ARAP1: variants seen among roughly 807,000 people sequenced by gnomAD.
ARAP1 encodes ArfGAP with RhoGAP domain, ankyrin repeat and PH domain 1.
Under a neutral mutation model 172.2 loss-of-function variants are expected in ARAP1, and 76 were observed. The observed-to-expected ratio is 0.44, with a 90% CI of 0.37 to 0.53. The LOEUF (loss-of-function observed/expected upper bound fraction) is 0.53. Among genes scored for constraint, ARAP1 ranks in the 20% least tolerant of loss-of-function variants. The pLI is 0.00. For synonymous variants in ARAP1, 804 were observed against 803.3 expected (o/e 1.00, Z -0.01); for missense variants, 1,686 against 1,977.5 (o/e 0.85, Z 2.80).
rs975746779 is a variant in ARAP1, at chr11:72,710,472, G to A, written c.1329C>T (p.Arg443=). 13 of 1,613,968 alleles carry A rather than the reference G, an allele frequency of 8.1e-6. No individual in the cohort carries two copies. Among genetic ancestry groups the A allele is most frequent in the South Asian group, 3.3e-5 (3 of 91,090 alleles). Reference sequence around the variant, plus strand: ...AGCCACGAAGCTCCAGGCTGCCAGCGCGGTCAGGCTGCTCTGAGCCTGGAA... The same window carrying A: ...AGCCACGAAGCTCCAGGCTGCCAGCACGGTCAGGCTGCTCTGAGCCTGGAA... The part of the protein sequence containing the change: ...LGVPGSEQPD[R]AGSLELRGFK... The change falls in exon 10 of 35, where the codon CGC becomes CGT. Residue 443 remains arginine, a synonymous_variant. Coordinates refer to ENST00000393609, the MANE Select transcript of ARAP1 (RefSeq NM_001040118.3). This position sits in a 1 kb window ranked among gnomAD's most constrained non-coding sequence, Gnocchi z 4.3.
chr11:72,703,379 C>G, intron 14 of ARAP1: 1 of 234,670 alleles, frequency 4.3e-6, no homozygotes, highest in Non-Finnish European at 8.2e-6. Flanking sequence ...TCCAGAGGAT[C>G]TCAAGCTCCT....
chr11:72,740,452 A>G (rs1057360586), intron 1 of ARAP1, among the ~76,000 whole-genome samples: 1 of 152,154 alleles, frequency 6.6e-6, no homozygotes, highest in Non-Finnish European at 1.5e-5. Context: ...AGTTTTCACA[A>G]TTATCACTTT....
rs1044270364 is a variant in ARAP1 at position 72,692,640 on chromosome 11, G to A, written c.3987+113C>T. 4 of 1,404,720 alleles carry A rather than the reference G, an allele frequency of 2.8e-6. No homozygotes were observed. The East Asian group carries it at 6.9e-5, about 24-fold the overall frequency. 87.0% of individuals were successfully genotyped at this position (1,404,720 alleles called of 1,614,324 possible). On this transcript the variant is annotated intron_variant, in intron 30 of 34. Coordinates refer to ENST00000393609, the MANE Select transcript of ARAP1 (RefSeq NM_001040118.3). ...CCAGTGCCAACGGGCAAGGGGGCAG[G>A]GATCCATGCCTGGAGATGGCCAGGA...
intron 14 of ARAP1, 107 bp from the exon 15 acceptor site, chr11:72,703,186 G>T: frequency 8.8e-7 from 1 of 1,138,802 alleles, no homozygotes; most frequent in Non-Finnish European, 1.2e-6. Flanking sequence ...CCCAGGCCTG[G>T]AGCAGTCCAT....
intron 1 of ARAP1, among the ~76,000 whole-genome samples, chr11:72,745,339 C>A (rs559798291): frequency 1.3e-5 from 2 of 150,456 alleles, no homozygotes; most frequent in Non-Finnish European, 3.0e-5. Flanking sequence ...CAGGCGCCTG[C>A]CACCACGTCC....
chr11:72,723,103 T>A (rs1056398252), intron 3 of ARAP1, among the ~76,000 whole-genome samples: 1 of 151,642 alleles, frequency 6.6e-6, no homozygotes, highest in African/African-American at 2.4e-5. Flanking sequence ...AGCCCAGGAG[T>A]TCAAGACCAG....
In ARAP1 at chr11:72,725,039, G is replaced by C. The variant is rs1857643625; in HGVS notation, c.509+1581C>G. On this transcript the variant is annotated intron_variant, in intron 3 of 34. Coordinates refer to ENST00000393609, the MANE Select transcript of ARAP1 (RefSeq NM_001040118.3). The surrounding 1 kb of genome is among the most constrained non-coding windows in gnomAD (Gnocchi z 4.3). The stretch of plus-strand genomic sequence containing the variant: ...CCAGGAGGGCCCAGAAGTCTATGGA[G>C]GACCACAGAGGGCACCTGATGGGGA... 2.0e-5 allele frequency among the ~76,000 whole-genome samples: 3 copies of C among 152,158 alleles called. No homozygotes were observed. In the South Asian group the frequency reaches 6.2e-4, roughly 31 times the overall value.
intron 12 of ARAP1, 33 bp downstream of exon 12, chr11:72,707,142 C>G: frequency 3.3e-6 from 5 of 1,521,114 alleles, no homozygotes; most frequent in East Asian, 2.5e-5. Flanking sequence ...CCCGCCATGC[C>G]TCTGCCTGGT....
chr11:72,695,329 C>T lies in ARAP1; in HGVS notation c.3576+58G>A. ...AGCACTGCTCCCCTGGCCATCTGAG[C>T]CTGTACCTGGCCCAGCCTGATTCTC... is the stretch of plus-strand genomic sequence containing the variant. On this transcript the variant is annotated intron_variant, in intron 26 of 34. Transcript: ENST00000393609. This position sits in a 1 kb window ranked among gnomAD's most constrained non-coding sequence, Gnocchi z 4.4. 1 of 1,608,250 alleles carries T rather than the reference C, an allele frequency of 6.2e-7. No homozygotes were observed. Among genetic ancestry groups the T allele is most frequent in the Non-Finnish European group, 8.5e-7 (1 of 1,175,348 alleles).
chr11:72,710,517 A>G lies in ARAP1; in HGVS notation c.1284T>C (p.Ser428=). 3.1e-6 allele frequency: 5 copies of G among 1,613,912 alleles called. No homozygotes were observed. The highest frequency in any genetic ancestry group is 3.4e-6 in the Non-Finnish European group (4 of 1,179,996). The stretch of plus-strand genomic sequence containing the variant: ...CTGGAACTCCCAGCAGATAAGCGCT[A>G]GAGAGCCGGGCCCGGGCACGCTGCT... The part of the protein sequence containing the change: ...MAEQRARARL[S]SAYLLGVPGS... Residue 428 remains serine, a synonymous_variant, in exon 10 of 35, where the codon TCT becomes TCC. Transcript: ENST00000393609. The surrounding 1 kb of genome is among the most constrained non-coding windows in gnomAD (Gnocchi z 4.3).
Position 72,710,066 on chromosome 11 carries a change from T to C in ARAP1, c.1417-90A>G, listed in dbSNP as rs1856942393. ...GGAGAGGAAGGGAAGGTGGTGCAAC[T>C]CAGGGACTGGGGGGGGTGCCCAGGA... On this transcript the variant is annotated intron_variant, in intron 10 of 34. Transcript: ENST00000393609. This position sits in a 1 kb window ranked among gnomAD's most constrained non-coding sequence, Gnocchi z 4.3. 14 of 1,201,334 alleles carry C rather than the reference T, an allele frequency of 1.2e-5. No individual in the cohort carries two copies. The highest frequency in any genetic ancestry group is 1.5e-5 in the Non-Finnish European group (12 of 812,432). The allele number at this position is 1,201,334 out of a possible 1,614,324, so 74.4% of individuals were successfully genotyped here.
Position 72,699,151 on chromosome 11 carries a change from CG to C in ARAP1, c.2439-45del. On this transcript the variant is annotated intron_variant, in intron 17 of 34. Transcript: ENST00000393609. This position sits in a 1 kb window ranked among gnomAD's most constrained non-coding sequence, Gnocchi z 4.2. The stretch of plus-strand genomic sequence containing the variant: ...GGACTCAGGCCCACCTCATCCAGCA[CG>C]GGCCCACCCCCAACCCGCACCATCA... The C allele has an allele frequency of 6.3e-7, 1 of 1,596,690 alleles. No individual in the cohort carries two copies. Among genetic ancestry groups the C allele is most frequent in the Middle Eastern group, 1.7e-4 (1 of 6,026 alleles).
intron 1 of ARAP1, among the ~76,000 whole-genome samples, chr11:72,749,071 G>A (rs943499217): frequency 2.0e-5 from 3 of 152,180 alleles, no homozygotes; most frequent in Admixed American, 6.5e-5. Context: ...AGAAAGAAAT[G>A]AGAAGAGCTG....
Position 72,697,039 on chromosome 11 carries a change from T to C in ARAP1, c.3110A>G (p.Asp1037Gly). 1 of 1,610,050 alleles carries C rather than the reference T, an allele frequency of 6.2e-7. No individual in the cohort carries two copies. The highest frequency in any genetic ancestry group is 8.5e-7 in the Non-Finnish European group (1 of 1,179,938). The change falls in exon 22 of 35, where the codon GAC becomes GGC. Residue 1037 changes from aspartate to glycine, a missense_variant. Asp to Gly is a moderately conservative substitution (Grantham distance 94, BLOSUM62 -1). Coordinates refer to ENST00000393609, the MANE Select transcript of ARAP1 (RefSeq NM_001040118.3). ...VSSALKRFLRDLPDGLFTRAQ... is the reference protein window; with the variant it reads ...VSSALKRFLRGLPDGLFTRAQ... ...GCGAGTGAAGAGCCCATCAGGCAGG[T>C]CGCGCAGGAAGCGCTTGAGCGCCGA...
rs765910748 is a variant in ARAP1 at position 72,699,373 on chromosome 11, G to A, written c.2438+44C>T. On this transcript the variant is annotated intron_variant, in intron 17 of 34. Transcript: ENST00000393609. This position sits in a 1 kb window ranked among gnomAD's most constrained non-coding sequence, Gnocchi z 4.2. ...TTCCCTGTCTCCCCAGTGGGGGATT[G>A]TACCTTATAGCAACCACAGTCTGAT... is the stretch of plus-strand genomic sequence containing the variant. 2.2e-5 allele frequency: 36 copies of A among 1,612,544 alleles called. No homozygotes were observed. The highest frequency in any genetic ancestry group is 3.4e-6 in the Non-Finnish European group (4 of 1,179,258).
chr11:72,742,895 G>A (rs1057140566), intron 1 of ARAP1, among the ~76,000 whole-genome samples: 8 of 152,190 alleles, frequency 5.3e-5, no homozygotes, highest in African/African-American at 1.4e-4. Context: ...CGGCCTGCCA[G>A]GCCTGTGCAA....
At chr11:72,730,089 G>A (rs1362650054) in intron 2 of ARAP1, among the ~76,000 whole-genome samples, 1 of 152,118 alleles carries the variant, frequency 6.6e-6, no homozygotes, top group East Asian at 1.9e-4. Context: ...CAACAAACTA[G>A]GGGATATCTG....
In ARAP1 at chr11:72,712,286, G is replaced by A. The variant is rs201444185; in HGVS notation, c.932C>T (p.Ala311Val). The A allele has an allele frequency of 1.6e-5, 25 of 1,592,772 alleles. No individual in the cohort carries two copies. The highest frequency in any genetic ancestry group is 3.4e-5 in the South Asian group (3 of 88,284). The stretch of plus-strand genomic sequence containing the variant: ...AGGCGGCCCGTCCATGGGGTGTGGC[G>A]CAGCTATTGTGCTGGGCAAGGACAA... ...LSLSLPSTIA[A>V]PHPMDGPPGG... is the part of the protein sequence containing the mutation. The change falls in exon 7 of 35, where the codon GCG (alanine) becomes GTG (valine). Residue 311 changes from alanine (A) to valine (V), a missense_variant. Physicochemically the swap from Ala to Val is moderately conservative, Grantham distance 64 (BLOSUM62 0). Coordinates refer to ENST00000393609, the MANE Select transcript of ARAP1 (RefSeq NM_001040118.3).
rs769873987 is a variant in ARAP1 at position 72,726,891 on chromosome 11, G to A, written c.238C>T (p.Arg80Trp). The part of the protein sequence containing the change: ...SPAPAPRPTP[R>W]PVPMKRHIFR... The stretch of plus-strand genomic sequence containing the variant: ...ATGTGGCGCTTCATGGGCACAGGCC[G>A]TGGGGTGGGGCGGGGTGCAGGGGCC... Residue 80 changes from arginine (R) to tryptophan (W), a missense_variant, in exon 3 of 35, where the codon CGG becomes TGG. This residue lies in a region of ARAP1 where 190 missense variants were observed against 228.6 expected (regional missense o/e 0.83). Coordinates refer to ENST00000393609, the MANE Select transcript of ARAP1 (RefSeq NM_001040118.3). The surrounding 1 kb of genome is among the most constrained non-coding windows in gnomAD (Gnocchi z 6.5). The A allele has an allele frequency of 1.1e-5, 17 of 1,580,936 alleles. No individual in the cohort carries two copies. Among genetic ancestry groups the A allele is most frequent in the South Asian group, 4.6e-5 (4 of 86,720 alleles).
Sources: gnomAD v4.1 joint callset for allele counts (sites outside exome capture counted in the v4.1 genomes callset) on GRCh38, gnomAD v4.1.1 for gene constraint, gnomAD v4.1.1 regional missense constraint, Gnocchi (gnomAD v3.1) non-coding constraint, MANE v1.5 for transcripts, NCBI Gene and HGNC (gene_info 2026-07-23, HGNC 2026-07-21) for gene names.